Variants in C13orf42 observed in about 807,000 individuals in gnomAD.
The protein encoded by C13orf42 is uncharacterized protein C13orf42.
At chr13:51,141,803 A>G (rs1245969690) in intron 1 of C13orf42, among the ~76,000 whole-genome samples, 1 of 152,144 alleles carries the variant, frequency 6.6e-6, no homozygotes, top group East Asian at 1.9e-4. Flanking sequence ...ATCTCAAAAA[A>G]AAACCACTTA....
intron 1 of C13orf42, among the ~76,000 whole-genome samples, chr13:51,116,350 C>A (rs921410210): frequency 6.6e-6 from 1 of 152,196 alleles, no homozygotes; most frequent in African/African-American, 2.4e-5. Context: ...AAGGTGGCAA[C>A]AGGCAGTTAA....
At chr13:51,154,577 AAAGT>A (rs991434558) in intron 1 of C13orf42, among the ~76,000 whole-genome samples, 3 of 152,210 alleles carry the variant, frequency 2.0e-5, no homozygotes, top group African/African-American at 7.2e-5. Flanking sequence ...GCAAGCGAGA[AAAGT>A]AAGAGACTGA....
At chr13:51,145,395 G>A (rs1322458564) in intron 1 of C13orf42, among the ~76,000 whole-genome samples, 1 of 151,886 alleles carries the variant, frequency 6.6e-6, no homozygotes, top group Non-Finnish European at 1.5e-5. Flanking sequence ...TCTCTTCACA[G>A]GACATGAGAC....
intron 1 of C13orf42, among the ~76,000 whole-genome samples, chr13:51,100,885 T>C (rs1487833793): frequency 1.3e-5 from 2 of 152,182 alleles, no homozygotes; most frequent in Non-Finnish European, 2.9e-5. Flanking sequence ...GTTTAGCAAT[T>C]GTTTGTAGAA....
chr13:51,107,007 A>G (rs1953364782), intron 1 of C13orf42, among the ~76,000 whole-genome samples: 1 of 152,230 alleles, frequency 6.6e-6, no homozygotes, highest in African/African-American at 2.4e-5. Context: ...GGAGGAGTAC[A>G]TTGCCACAGG....
intron 1 of C13orf42, among the ~76,000 whole-genome samples, chr13:51,142,858 A>G (rs956092521): frequency 3.3e-5 from 5 of 152,084 alleles, no homozygotes; most frequent in Non-Finnish European, 5.9e-5. Flanking sequence ...CTGGTTGTTT[A>G]AAAAGGAGGG....
chr13:51,095,816 CCTGT>C (rs1485962146), intron 1 of C13orf42, among the ~76,000 whole-genome samples: 53 of 152,058 alleles, frequency 3.5e-4, no homozygotes, highest in Admixed American at 3.5e-3. Context: ...TTAAAATTTT[CCTGT>C]CTGATAGTTC....
At chr13:51,084,611 C>T (rs1382744347) in intron 3 of C13orf42, among the ~76,000 whole-genome samples, 2 of 152,148 alleles carry the variant, frequency 1.3e-5, no homozygotes. Flanking sequence ...CTAGAAAGCC[C>T]CTAAATCCAA....
At chr13:51,167,368 G>C (rs531426629) in intron 1 of C13orf42, among the ~76,000 whole-genome samples, 2 of 152,254 alleles carry the variant, frequency 1.3e-5, no homozygotes, top group East Asian at 3.9e-4. Flanking sequence ...CAGAAGAAGG[G>C]GGGATTTCTA....
intron 1 of C13orf42, among the ~76,000 whole-genome samples, chr13:51,146,083 C>T (rs1444870671): frequency 6.6e-6 from 1 of 152,166 alleles, no homozygotes; most frequent in East Asian, 1.9e-4. Context: ...CTGTGTTGTA[C>T]ATTTAAACAT....
chr13:51,130,342 A>G (rs1361907116), intron 1 of C13orf42, among the ~76,000 whole-genome samples: 1 of 152,160 alleles, frequency 6.6e-6, no homozygotes, highest in Admixed American at 6.5e-5. Flanking sequence ...AACATGTGAA[A>G]TTAGCGTGCC....
At chr13:51,127,734 T>C (rs1180921269) in intron 1 of C13orf42, among the ~76,000 whole-genome samples, 2 of 152,200 alleles carry the variant, frequency 1.3e-5, no homozygotes, top group African/African-American at 4.8e-5. Context: ...ACTATACGTA[T>C]TGAAAACATT....
chr13:51,163,458 G>A (rs887378786), intron 1 of C13orf42, among the ~76,000 whole-genome samples: 1 of 152,150 alleles, frequency 6.6e-6, no homozygotes, highest in African/African-American at 2.4e-5. Context: ...AGGAGACCCA[G>A]GGTGTTTTGA....
intron 1 of C13orf42, among the ~76,000 whole-genome samples, chr13:51,159,435 G>C (rs1953847833): frequency 6.6e-6 from 1 of 152,178 alleles, no homozygotes; most frequent in Admixed American, 6.5e-5. Context: ...TTGAGTCACT[G>C]AGCTTTTATG....
At chr13:51,125,666 C>G (rs980730732) in intron 1 of C13orf42, among the ~76,000 whole-genome samples, 10 of 152,132 alleles carry the variant, frequency 6.6e-5, no homozygotes, top group African/African-American at 2.2e-4. Context: ...GCTCCACCCC[C>G]CAGTGTCTAC....
intron 1 of C13orf42, among the ~76,000 whole-genome samples, chr13:51,135,178 G>A (rs1057133417): frequency 1.1e-4 from 16 of 152,246 alleles, no homozygotes; most frequent in African/African-American, 3.9e-4. Context: ...CAGCCTGGCA[G>A]TGGAACTGTG....
At chr13:51,106,840 C>G (rs760544386) in intron 1 of C13orf42, among the ~76,000 whole-genome samples, 1 of 152,216 alleles carries the variant, frequency 6.6e-6, no homozygotes, top group African/African-American at 2.4e-5. Flanking sequence ...GTTAGAAATT[C>G]TAACCTTTTA....
rs367753031 is a variant in C13orf42, at chr13:51,171,519, A to G, written n.136+734T>C. ...TCTAATCTTCCTTTTCTACAGACCCATCTGACCTCTCCCTTCCTCCCCAGG... is the reference window on the plus strand; with the variant it reads ...TCTAATCTTCCTTTTCTACAGACCCGTCTGACCTCTCCCTTCCTCCCCAGG... On this transcript the variant is annotated intron_variant and non_coding_transcript_variant, in intron 1 of 4. Coordinates refer to the C13orf42 transcript ENST00000433280. 3.9e-4 allele frequency among the ~76,000 whole-genome samples: 60 copies of G among 152,070 alleles called. 1 individual carries two copies. The East Asian group carries it at 8.5e-3, about 22-fold the overall frequency.
At chr13:51,112,650 CTT>C (rs1953446464), upstream of C13orf42, among the ~76,000 whole-genome samples, 1 of 152,152 alleles carries the variant, frequency 6.6e-6, no homozygotes, top group African/African-American at 2.4e-5. Context: ...CACATACTAA[CTT>C]ATTTAATATT....
Sources: gnomAD v4.1 joint callset for allele counts (sites outside exome capture counted in the v4.1 genomes callset) on GRCh38, gnomAD v4.1.1 for gene constraint, MANE v1.5 for transcripts, NCBI Gene and HGNC (gene_info 2026-07-23, HGNC 2026-07-21) for gene names.